Variants in TUT4 observed in about 807,000 individuals in gnomAD.
The protein encoded by TUT4 is terminal uridylyl transferase 4.
In TUT4, 36 loss-of-function variants were observed where a neutral mutation model predicts 192.2. That is an observed-to-expected ratio of 0.19 (90% CI 0.14 to 0.25). The LOEUF is 0.25. Among genes scored for constraint, TUT4 ranks in the 10% least tolerant of loss-of-function variants. The probability of loss-of-function intolerance (pLI) is 1.00; values close to 1 mark genes in which losing one functional copy is unlikely to be tolerated. For missense variants in TUT4, 1,493 were observed against 1,957.2 expected (o/e 0.76, Z 4.47); for synonymous variants, 618 against 666.0 (o/e 0.93, Z 1.11).
intron 2 of TUT4, among the ~76,000 whole-genome samples, chr1:52,520,030 G>A (rs981751982): frequency 6.6e-6 from 1 of 152,014 alleles, no homozygotes; most frequent in Non-Finnish European, 1.5e-5. Context: ...AAAAAAGAAG[G>A]CAAAGGAAGT....
chr1:52,493,814 T>G (rs1671792264), intron 6 of TUT4, 152 bp from the exon 7 acceptor site: 12 of 581,852 alleles, frequency 2.1e-5, no homozygotes, highest in Admixed American at 3.6e-5. Flanking sequence ...TTTTTTTTTG[T>G]TTTTTTTTGA....
intron 13 of TUT4, among the ~76,000 whole-genome samples, chr1:52,473,438 G>A (rs1009586478): frequency 6.6e-6 from 1 of 152,076 alleles, no homozygotes; most frequent in Admixed American, 6.6e-5. Context: ...ACAACAAAAG[G>A]AAAAGAAGAG....
In TUT4 at chr1:52,526,107, A is replaced by T; in HGVS notation, c.174T>A (p.Asn58Lys). 1 of 1,608,138 alleles carries T rather than the reference A, an allele frequency of 6.2e-7. No individual in the cohort carries two copies. The highest frequency in any genetic ancestry group is 8.5e-7 in the Non-Finnish European group (1 of 1,178,510). Reference sequence around the variant, plus strand: ...TTTCTATACAAATATCATTTTGCTTATTTTTTTTACTACTATTCCTATTTG... The same window carrying T: ...TTTCTATACAAATATCATTTTGCTTTTTTTTTTTACTACTATTCCTATTTG... ...SSPNRNSSKK[N>K]KQNDICIEKT... Residue 58 changes from asparagine to lysine, a missense_variant, in exon 2 of 30, where the codon AAT becomes AAA. Asn to Lys is a moderately conservative substitution (Grantham distance 94, BLOSUM62 0). This residue lies in a region of TUT4 where 260 missense variants were observed against 247.8 expected (regional missense o/e 1.05). Transcript: ENST00000257177.
Position 52,446,579 on chromosome 1 carries a change from T to G in TUT4, c.3513+11A>C. The G allele has an allele frequency of 6.3e-7, 1 of 1,596,898 alleles. No homozygotes were observed. The highest frequency in any genetic ancestry group is 8.5e-7 in the Non-Finnish European group (1 of 1,172,650). On this transcript the variant is annotated intron_variant, in intron 21 of 29. Transcript: ENST00000257177. Reference sequence around the variant, plus strand: ...GAGCATTCTAGAACATAAAGACTATTTTAAAATTACCAGTTCTTCTGTTTT... The same window carrying G: ...GAGCATTCTAGAACATAAAGACTATGTTAAAATTACCAGTTCTTCTGTTTT...
intron 2 of TUT4, among the ~76,000 whole-genome samples, chr1:52,520,866 C>T (rs1405066236): frequency 6.6e-6 from 1 of 152,106 alleles, no homozygotes; most frequent in African/African-American, 2.4e-5. Flanking sequence ...GATCTCAGCT[C>T]ACTGCAACCT....
chr1:52,502,538 T>C (rs1208193295), intron 4 of TUT4, among the ~76,000 whole-genome samples: 2 of 151,692 alleles, frequency 1.3e-5, no homozygotes, highest in African/African-American at 4.8e-5. Context: ...CACTCAGTAA[T>C]AATCTCCTTC....
intron 20 of TUT4, 98 bp from the exon 21 acceptor site, chr1:52,446,765 C>T (rs908316281): frequency 3.9e-6 from 3 of 760,678 alleles, no homozygotes; most frequent in Admixed American, 3.2e-5. Context: ...ATAAGACATA[C>T]TAAAATACTT....
chr1:52,441,740 A>C (rs1005914887), intron 24 of TUT4, among the ~76,000 whole-genome samples: 3 of 152,174 alleles, frequency 2.0e-5, no homozygotes, highest in Non-Finnish European at 4.4e-5. Context: ...ATATACTTAA[A>C]ATTGTCTAGC....
intron 1 of TUT4, among the ~76,000 whole-genome samples, chr1:52,542,421 A>G (rs115573158): frequency 0.02 from 3,087 of 152,328 alleles, 98 homozygotes; most frequent in African/African-American, 0.067. Flanking sequence ...CAGCACAGTT[A>G]AAGAATTGTA....
At chr1:52,459,211 A>G (rs1165325609) in intron 19 of TUT4, among the ~76,000 whole-genome samples, 1 of 151,766 alleles carries the variant, frequency 6.6e-6, no homozygotes, top group Non-Finnish European at 1.5e-5. Context: ...GCGTGAACCC[A>G]GGAGGCAGAG....
intron 24 of TUT4, among the ~76,000 whole-genome samples, chr1:52,439,501 A>ACAGTGTCCATCCTTCTGGAAGT (rs1553159730): frequency 3.3e-5 from 5 of 152,208 alleles, no homozygotes. Context: ...GTTGGTCCTA[A>ACAGTGTCCATCCTTCTGGAAGT]CAGTGTCCAT....
chr1:52,551,566 C>T (rs1689433375), intron 1 of TUT4, among the ~76,000 whole-genome samples: 1 of 152,214 alleles, frequency 6.6e-6, no homozygotes. Context: ...TTATCTTAAG[C>T]ACAGCTTTTT....
chr1:52,538,014 T>C (rs889572868), intron 1 of TUT4, among the ~76,000 whole-genome samples: 1 of 152,124 alleles, frequency 6.6e-6, no homozygotes, highest in African/African-American at 2.4e-5. Context: ...AGGGGGCAGA[T>C]CACTTGAGGT....
intron 1 of TUT4, among the ~76,000 whole-genome samples, chr1:52,536,172 T>C (rs1684841130): frequency 6.6e-6 from 1 of 152,190 alleles, no homozygotes; most frequent in Admixed American, 6.5e-5. Context: ...TGCATAAAAA[T>C]TCATTACAAA....
intron 2 of TUT4, among the ~76,000 whole-genome samples, chr1:52,522,840 C>A (rs544586127): frequency 6.6e-6 from 1 of 151,908 alleles, no homozygotes; most frequent in African/African-American, 2.4e-5. Flanking sequence ...GTAGGAGAAT[C>A]GCTTGAACTC....
At chr1:52,470,256 A>G (rs1665371525) in intron 14 of TUT4, among the ~76,000 whole-genome samples, 1 of 152,214 alleles carries the variant, frequency 6.6e-6, no homozygotes, top group African/African-American at 2.4e-5. Context: ...AGAGTTCCCA[A>G]TGGCCAAAGC....
intron 4 of TUT4, among the ~76,000 whole-genome samples, chr1:52,498,510 G>C (rs113414304): frequency 0.32 from 48,313 of 151,774 alleles, 9,788 homozygotes; most frequent in African/African-American, 0.59. Flanking sequence ...TCCCAAAGTG[G>C]TGGGATTACA....
rs200690805 is a variant in TUT4 at position 52,510,317 on chromosome 1, C to CAAAAAAA, written c.883-612_883-606dup. Among the ~76,000 whole-genome samples, 576 of 77,700 alleles carry CAAAAAAA rather than the reference C, an allele frequency of 7.4e-3. 1 individual carries two copies. Among genetic ancestry groups the CAAAAAAA allele is most frequent in the African/African-American group, 0.012 (262 of 21,786 alleles). 51.0% of individuals were successfully genotyped at this position (77,700 alleles called of 152,430 possible). A position where few individuals can be genotyped will look rare whatever the true frequency, so the allele number is the denominator to read the frequency against. On this transcript the variant is annotated intron_variant, in intron 3 of 29. Transcript: ENST00000257177. ...GCAACAGAGCAAGACTTCGTATTAACAAAAAAAAAAAAAAAAAAAAAAAAG... is the reference window on the plus strand; with the variant it reads ...GCAACAGAGCAAGACTTCGTATTAACAAAAAAAAAAAAAAAAAAAAAAAAAAAAAAAG...
At chr1:52,438,154 A>G in intron 25 of TUT4, 66 bp downstream of exon 25, 1 of 1,243,296 alleles carries the variant, frequency 8.0e-7, no homozygotes, top group South Asian at 1.3e-5. Flanking sequence ...TCTGAACATA[A>G]TTATAGCTAC....
Sources: allele counts gnomAD v4.1 joint callset (sites outside exome capture counted in the v4.1 genomes callset), GRCh38; gene constraint gnomAD v4.1.1; regional missense constraint gnomAD v4.1.1; transcripts MANE v1.5; gene names NCBI Gene and HGNC (gene_info 2026-07-23, HGNC 2026-07-21).